ROBO2: variants seen among roughly 807,000 people sequenced by gnomAD.
The protein encoded by ROBO2 is roundabout guidance receptor 2.
A neutral mutation model predicts 160.8 loss-of-function variants in ROBO2; 53 were observed. That is an observed-to-expected ratio of 0.33 (90% confidence interval 0.26 to 0.41). The LOEUF (loss-of-function observed/expected upper bound fraction) is 0.41, where lower values mean the gene tolerates loss of function less well. Ranked by LOEUF, ROBO2 falls within the 10% of genes least tolerant of loss-of-function variation. The pLI, the probability that ROBO2 is intolerant of heterozygous loss-of-function variation, is 1.00. For synonymous variants in ROBO2, 664 were observed against 611.7 expected, an observed-to-expected ratio of 1.09 and a Z score of -1.26; for missense variants, 1,577 against 1,722.4, an observed-to-expected ratio of 0.92 and a Z score of 1.49.
chr3:76,551,796 C>A (rs1386349729), intron 2 of ROBO2, among the ~76,000 whole-genome samples: 1 of 152,126 alleles, frequency 6.6e-6, no homozygotes, highest in African/African-American at 2.4e-5. Context: ...GAAGCCAGTA[C>A]CTGTGCTGGC....
chr3:76,610,862 C>A (rs1347560045), intron 2 of ROBO2, among the ~76,000 whole-genome samples: 1 of 152,202 alleles, frequency 6.6e-6, no homozygotes, highest in Non-Finnish European at 1.5e-5. Context: ...CTGCGCGCCA[C>A]TGGGCAGGTT....
Position 76,871,505 on chromosome 3 carries a change from G to C in ROBO2, c.110-226509G>C, listed in dbSNP as rs377137341. Among the ~76,000 whole-genome samples the C allele has an allele frequency of 7.0e-5, 10 of 143,406 alleles. No homozygotes were observed. The East Asian group carries it at 1.2e-3, about 18-fold the overall frequency. 94.1% of individuals were successfully genotyped at this position (143,406 alleles called of 152,430 possible). On this transcript the variant is annotated intron_variant, in intron 2 of 26. Transcript: ENST00000487694. ...GGAGGCGGAGCTTGCAGTGAGCCGA[G>C]ATCCCGCCACTGCACTCCAGCCTGG...
At chr3:76,296,833 G>A (rs1317701085) in intron 2 of ROBO2, among the ~76,000 whole-genome samples, 1 of 152,198 alleles carries the variant, frequency 6.6e-6, no homozygotes, top group Admixed American at 6.5e-5. Flanking sequence ...AACTAGGTGA[G>A]CGGGTAGCTT....
chr3:76,776,376 T>A (rs1035836837), intron 2 of ROBO2, among the ~76,000 whole-genome samples: 2 of 151,012 alleles, frequency 1.3e-5, no homozygotes, highest in Non-Finnish European at 3.0e-5. Context: ...TGGGAACTAT[T>A]GTATGTATGT....
intron 2 of ROBO2, among the ~76,000 whole-genome samples, chr3:77,134,451 T>G (rs2076112701): frequency 6.6e-6 from 1 of 152,218 alleles, no homozygotes; most frequent in African/African-American, 2.4e-5. Context: ...TACCTTGCTT[T>G]CCAGGTATCT....
intron 19 of ROBO2, among the ~76,000 whole-genome samples, chr3:77,598,512 C>T (rs1408478350): frequency 8.8e-6 from 1 of 113,038 alleles, no homozygotes; most frequent in Non-Finnish European, 1.8e-5. Flanking sequence ...TACGCACACA[C>T]ATATATATAT....
At chr3:77,123,761 A>G (rs951573219) in intron 2 of ROBO2, among the ~76,000 whole-genome samples, 1 of 149,224 alleles carries the variant, frequency 6.7e-6, no homozygotes, top group African/African-American at 2.4e-5. Context: ...ATATAGATAC[A>G]TATCTATATA....
chr3:76,259,105 T>G (rs898854546), intron 2 of ROBO2, among the ~76,000 whole-genome samples: 1 of 152,148 alleles, frequency 6.6e-6, no homozygotes, highest in Non-Finnish European at 1.5e-5. Flanking sequence ...TGACCTAATC[T>G]CACTATGCTT....
intron 2 of ROBO2, among the ~76,000 whole-genome samples, chr3:76,527,463 A>T (rs1198976834): frequency 6.6e-6 from 1 of 152,114 alleles, no homozygotes; most frequent in Non-Finnish European, 1.5e-5. Flanking sequence ...ATTTAATTCT[A>T]TTTCATATTG....
intron 2 of ROBO2, among the ~76,000 whole-genome samples, chr3:76,102,439 T>C (rs2108177539): frequency 6.6e-6 from 1 of 152,348 alleles, no homozygotes; most frequent in East Asian, 1.9e-4. Context: ...GTACTTGAAC[T>C]TTGATAAAAT....
At chr3:77,062,051 T>C (rs544281892) in intron 1 of ROBO2, among the ~76,000 whole-genome samples, 5 of 152,292 alleles carry the variant, frequency 3.3e-5, no homozygotes, top group African/African-American at 1.2e-4. Context: ...TTTAGAGGTC[T>C]CTACATGTCA....
At position 76,997,669 on chromosome 3, in the gene ROBO2, G is replaced by A. The variant is rs148879412; in HGVS notation, c.110-100345G>A. ...CAAGAGTGACATGAGAGAGAAGATC[G>A]TATAAGTTGAGCTTCTGATGTCTCA... On this transcript the variant is annotated intron_variant, in intron 2 of 26. Coordinates refer to the ROBO2 transcript ENST00000487694. 1.6e-4 allele frequency among the ~76,000 whole-genome samples: 25 copies of A among 152,262 alleles called. 2 individuals carry two copies. In the South Asian group the frequency reaches 3.7e-3, roughly 23 times the overall value.
intron 2 of ROBO2, among the ~76,000 whole-genome samples, chr3:76,753,513 T>C (rs1329491582): frequency 6.6e-6 from 1 of 151,874 alleles, no homozygotes; most frequent in Non-Finnish European, 1.5e-5. Flanking sequence ...ATGAATTTTG[T>C]CAAAGGCTGA....
At chr3:76,721,742 A>G (rs2093470512) in intron 2 of ROBO2, among the ~76,000 whole-genome samples, 2 of 152,250 alleles carry the variant, frequency 1.3e-5, no homozygotes, top group Admixed American at 1.3e-4. Context: ...TTTTATTGTC[A>G]TGATCATAAG....
intron 2 of ROBO2, among the ~76,000 whole-genome samples, chr3:76,310,682 A>G (rs2071537298): frequency 6.6e-6 from 1 of 152,200 alleles, no homozygotes; most frequent in African/African-American, 2.4e-5. Context: ...GTCTATCCAC[A>G]CAATAGATTA....
chr3:77,630,600 G>A (rs2095139818), intron 23 of ROBO2: 1 of 152,028 alleles, frequency 6.6e-6, no homozygotes, highest in Non-Finnish European at 1.5e-5. Context: ...AGATATGGAA[G>A]GGTTGCAAAT....
intron 2 of ROBO2, among the ~76,000 whole-genome samples, chr3:77,336,536 T>A (rs753141529): frequency 6.6e-6 from 1 of 151,972 alleles, no homozygotes; most frequent in Non-Finnish European, 1.5e-5. Flanking sequence ...CTTTTGCTTA[T>A]AAATGAAGGA....
chr3:76,194,353 A>AATATATATATATATATAT (rs772196827), intron 2 of ROBO2, among the ~76,000 whole-genome samples: 4 of 94,520 alleles, frequency 4.2e-5, no homozygotes, highest in African/African-American at 1.6e-4. Flanking sequence ...ATGGTGTGTA[A>AATATATATATATATATAT]ATATATATAT....
intron 2 of ROBO2, among the ~76,000 whole-genome samples, chr3:76,595,508 CT>C (rs1292646575): frequency 1.3e-5 from 2 of 151,836 alleles, no homozygotes; most frequent in African/African-American, 4.8e-5. Context: ...AAAAAACAGA[CT>C]TTTCAAAGAC....
Sources: allele counts gnomAD v4.1 joint callset (sites outside exome capture counted in the v4.1 genomes callset), GRCh38; gene constraint gnomAD v4.1.1; transcripts MANE v1.5; gene names NCBI Gene and HGNC (gene_info 2026-07-23, HGNC 2026-07-21).